Variants in LDLRAD3 observed in about 807,000 individuals in gnomAD.
LDLRAD3 encodes low density lipoprotein receptor class A domain containing 3.
Under a neutral mutation model 29.4 loss-of-function variants are expected in LDLRAD3, and 20 were observed. The ratio of observed to expected loss-of-function variants is 0.68; its 90% CI spans 0.48 to 0.99. The LOEUF (loss-of-function observed/expected upper bound fraction) is 0.99. LDLRAD3 is among the 50% of genes least tolerant of loss of function. LDLRAD3 has a pLI of 0.00. For synonymous variants in LDLRAD3, 157 were observed against 192.7 expected, an observed-to-expected ratio of 0.81 and a Z score of 1.53; for missense variants, 420 against 454.3, an observed-to-expected ratio of 0.92 and a Z score of 0.69.
chr11:36,136,535 G>A (rs1854006464), intron 4 of LDLRAD3, among the ~76,000 whole-genome samples: 2 of 151,942 alleles, frequency 1.3e-5, no homozygotes, highest in Admixed American at 6.6e-5. Flanking sequence ...GGCACCTCCC[G>A]CCAGACTCTG....
chr11:35,977,547 C>T (rs1452709815), intron 1 of LDLRAD3, among the ~76,000 whole-genome samples: 1 of 152,100 alleles, frequency 6.6e-6, no homozygotes. Context: ...TGATCATTCT[C>T]CCAAGCAGCT....
At chr11:35,959,253 CT>C (rs764997693) in intron 1 of LDLRAD3, among the ~76,000 whole-genome samples, 49 of 152,296 alleles carry the variant, frequency 3.2e-4, no homozygotes, top group Middle Eastern at 6.8e-3. Flanking sequence ...TCAGAGAAAG[CT>C]TCCTGTTCAC....
chr11:36,185,070 G>A (rs1356696446), intron 4 of LDLRAD3, among the ~76,000 whole-genome samples: 1 of 152,108 alleles, frequency 6.6e-6, no homozygotes, highest in Admixed American at 6.5e-5. Context: ...CCCCAGTAGG[G>A]GAGATGGTTT....
intron 3 of LDLRAD3, among the ~76,000 whole-genome samples, chr11:36,086,024 T>C (rs1459133665): frequency 6.6e-6 from 1 of 152,238 alleles, no homozygotes; most frequent in Non-Finnish European, 1.5e-5. Flanking sequence ...ATCTCCAGTC[T>C]GCTTTCAAGC....
intron 4 of LDLRAD3, among the ~76,000 whole-genome samples, chr11:36,128,834 G>A (rs1853882245): frequency 6.7e-6 from 1 of 149,450 alleles, no homozygotes. Flanking sequence ...GGGTAAGAGA[G>A]TGAGACTGTG....
At chr11:36,153,556 G>C (rs968240599) in intron 4 of LDLRAD3, among the ~76,000 whole-genome samples, 1 of 152,096 alleles carries the variant, frequency 6.6e-6, no homozygotes, top group African/African-American at 2.4e-5. Context: ...TCTATTTCTG[G>C]ATCTGTCTGT....
At chr11:36,196,181 C>T (rs1855030048) in intron 4 of LDLRAD3, 1 of 152,202 alleles carries the variant, frequency 6.6e-6, no homozygotes, top group Non-Finnish European at 1.5e-5. Flanking sequence ...TATCTAATAT[C>T]TTTGGCATGA....
chr11:36,073,198 A>G (rs1372098144), intron 2 of LDLRAD3, among the ~76,000 whole-genome samples: 2 of 152,174 alleles, frequency 1.3e-5, no homozygotes, highest in Non-Finnish European at 2.9e-5. Context: ...GAATTCCAGG[A>G]CTGTGGGAAG....
At chr11:36,077,535 G>A (rs761024233) in intron 2 of LDLRAD3, among the ~76,000 whole-genome samples, 20 of 152,200 alleles carry the variant, frequency 1.3e-4, no homozygotes, top group Non-Finnish European at 2.5e-4. Flanking sequence ...GTGAGCGAGC[G>A]TGGAGTTCAG....
chr11:36,073,813 A>G (rs1459411223), intron 2 of LDLRAD3, among the ~76,000 whole-genome samples: 1 of 152,152 alleles, frequency 6.6e-6, no homozygotes, highest in Non-Finnish European at 1.5e-5. Flanking sequence ...AATTATTCAT[A>G]TTTTCACTCT....
chr11:36,157,691 C>A (rs1434199823), intron 4 of LDLRAD3, among the ~76,000 whole-genome samples: 2 of 152,152 alleles, frequency 1.3e-5, no homozygotes, highest in Non-Finnish European at 2.9e-5. Flanking sequence ...TTGGGACCAT[C>A]ACAGGAAGAT....
At chr11:36,048,674 G>A (rs899308936) in intron 2 of LDLRAD3, among the ~76,000 whole-genome samples, 133 of 152,294 alleles carry the variant, frequency 8.7e-4, no homozygotes, top group South Asian at 6.2e-4. Context: ...TATCTCTGCT[G>A]GTGCCATTCT....
At chr11:36,163,810 G>A (rs12417511) in intron 4 of LDLRAD3, among the ~76,000 whole-genome samples, 15,877 of 152,132 alleles carry the variant, frequency 0.1, 1,012 homozygotes, top group East Asian at 0.31. Context: ...ATAGATTGAC[G>A]GGATCATGTA....
intron 4 of LDLRAD3, among the ~76,000 whole-genome samples, chr11:36,147,848 T>G (rs1854220851): frequency 6.6e-6 from 1 of 152,208 alleles, no homozygotes; most frequent in Admixed American, 6.5e-5. Context: ...TCTTTTCCTT[T>G]TTTCCATTAG....
intron 2 of LDLRAD3, among the ~76,000 whole-genome samples, chr11:36,040,294 G>A (rs964018165): frequency 6.6e-6 from 1 of 151,794 alleles, no homozygotes; most frequent in East Asian, 1.9e-4. Flanking sequence ...TTACCAGACA[G>A]GAAGATTTTT....
intron 1 of LDLRAD3, among the ~76,000 whole-genome samples, chr11:35,984,781 A>AT (rs1352192383): frequency 6.6e-6 from 1 of 151,238 alleles, no homozygotes; most frequent in East Asian, 2.0e-4. Context: ...ACAGGCATGC[A>AT]TCACCACGCC....
intron 2 of LDLRAD3, among the ~76,000 whole-genome samples, chr11:36,046,562 C>G (rs1250596812): frequency 6.6e-6 from 1 of 152,164 alleles, no homozygotes; most frequent in East Asian, 1.9e-4. Context: ...AGGACCCACC[C>G]TAATCTTGTA....
chr11:36,096,448 A>G (rs1316112139), intron 3 of LDLRAD3, among the ~76,000 whole-genome samples: 1 of 152,070 alleles, frequency 6.6e-6, no homozygotes, highest in Non-Finnish European at 1.5e-5. Flanking sequence ...CCACATGAAT[A>G]TGGGTGCCAG....
At chr11:36,118,707 T>C (rs1195893038) in intron 4 of LDLRAD3, among the ~76,000 whole-genome samples, 2 of 152,176 alleles carry the variant, frequency 1.3e-5, no homozygotes, top group African/African-American at 2.4e-5. Context: ...TATACCATAT[T>C]AATTCCCCCA....
Sources: gnomAD v4.1 joint callset for allele counts (sites outside exome capture counted in the v4.1 genomes callset) on GRCh38, gnomAD v4.1.1 for gene constraint, MANE v1.5 for transcripts, NCBI Gene and HGNC (gene_info 2026-07-23, HGNC 2026-07-21) for gene names.